The following PALLD variants were observed in gnomAD, a reference collection of about 807,000 sequenced individuals.
PALLD encodes palladin, cytoskeletal associated protein.
Under a neutral mutation model 123.5 loss-of-function variants are expected in PALLD, and 61 were observed. The ratio of observed to expected loss-of-function variants is 0.49; its 90% confidence interval spans 0.40 to 0.61. PALLD has a LOEUF of 0.61. Among genes scored for constraint, PALLD ranks in the 20% least tolerant of loss-of-function variants. PALLD has a pLI of 0.00. For synonymous variants in PALLD, 465 were observed against 496.4 expected, an observed-to-expected ratio of 0.94 and a Z score of 0.84; for missense variants, 1,273 against 1,377.0, an observed-to-expected ratio of 0.92 and a Z score of 1.20.
intron 2 of PALLD, among the ~76,000 whole-genome samples, chr4:168,558,891 T>A (rs966207642): frequency 1.1e-4 from 17 of 152,240 alleles, no homozygotes; most frequent in Admixed American, 6.5e-4. Context: ...CCTAGGTGTG[T>A]CTTTTTTCTC....
intron 2 of PALLD, among the ~76,000 whole-genome samples, chr4:168,657,165 A>C (rs1341394396): frequency 2.6e-5 from 4 of 152,232 alleles, no homozygotes; most frequent in Non-Finnish European, 5.9e-5. Context: ...CACAGAACAC[A>C]TGTTCCATGG....
At chr4:168,561,369 C>T (rs192761501) in intron 2 of PALLD, among the ~76,000 whole-genome samples, 12 of 152,128 alleles carry the variant, frequency 7.9e-5, no homozygotes, top group African/African-American at 2.7e-4. Context: ...TTAAACGATC[C>T]TCTTACCTCA....
intron 10 of PALLD, among the ~76,000 whole-genome samples, chr4:168,801,647 C>T (rs1361916018): frequency 1.3e-5 from 2 of 152,256 alleles, no homozygotes; most frequent in East Asian, 1.9e-4. Flanking sequence ...ACAAAGAGAA[C>T]GACCTGCCCC....
At chr4:168,815,570 C>T (rs1237558902) in intron 10 of PALLD, among the ~76,000 whole-genome samples, 1 of 151,664 alleles carries the variant, frequency 6.6e-6, no homozygotes, top group Non-Finnish European at 1.5e-5. Flanking sequence ...CCATGGTGAA[C>T]ACAAATATGC....
At chr4:168,810,709 G>A (rs1340431492) in intron 10 of PALLD, among the ~76,000 whole-genome samples, 1 of 151,838 alleles carries the variant, frequency 6.6e-6, no homozygotes, top group African/African-American at 2.4e-5. Context: ...TCGGGAGGCT[G>A]AGGCAGGAGA....
chr4:168,641,100 C>T (rs913812196), intron 2 of PALLD, among the ~76,000 whole-genome samples: 2 of 151,246 alleles, frequency 1.3e-5, no homozygotes, highest in African/African-American at 4.9e-5. Flanking sequence ...CCCAGCTACT[C>T]GAGAGGCTGA....
chr4:168,506,952 A>C (rs1308575210), intron 1 of PALLD, among the ~76,000 whole-genome samples: 1 of 152,050 alleles, frequency 6.6e-6, no homozygotes, highest in Non-Finnish European at 1.5e-5. Context: ...TGATTATTCG[A>C]AGGATTCTAT....
In PALLD at chr4:168,694,657, T is replaced by G. The variant is rs141110294; in HGVS notation, c.1501+3365T>G. Among the ~76,000 whole-genome samples the G allele has an allele frequency of 1.4e-3, 217 of 152,348 alleles. 3 individuals carry two copies. In the East Asian group the frequency reaches 0.025, roughly 18 times the overall value. The stretch of plus-strand genomic sequence containing the variant: ...ATATAGCCCCATTAGGAATTAGATA[T>G]TTAGATAAAGAAGGAAATAGCAGGT... On this transcript the variant is annotated intron_variant, in intron 8 of 21. Transcript: ENST00000505667.
chr4:168,570,168 A>G (rs534191128), intron 2 of PALLD, among the ~76,000 whole-genome samples: 2 of 152,314 alleles, frequency 1.3e-5, no homozygotes, highest in Non-Finnish European at 2.9e-5. Flanking sequence ...TTTTACTGCA[A>G]TATGTTGCGG....
intron 8 of PALLD, among the ~76,000 whole-genome samples, chr4:168,701,304 G>A (rs111905924): frequency 2.0e-5 from 3 of 152,370 alleles, no homozygotes; most frequent in African/African-American, 7.2e-5. Flanking sequence ...GCAATGATGT[G>A]CGAGGCACAG....
intron 8 of PALLD, among the ~76,000 whole-genome samples, chr4:168,696,468 A>C (rs1332112689): frequency 1.3e-5 from 2 of 152,096 alleles, no homozygotes; most frequent in South Asian, 4.1e-4. Context: ...TCAGAGCTTA[A>C]TAAACTCCCA....
chr4:168,589,523 G>A (rs13114516), intron 2 of PALLD, among the ~76,000 whole-genome samples: 22,272 of 143,608 alleles, frequency 0.16, 1,949 homozygotes, highest in East Asian at 0.27. Flanking sequence ...CCAGTCCACT[G>A]TACCCACTCC....
chr4:168,622,559 G>A (rs901321278), intron 2 of PALLD, among the ~76,000 whole-genome samples: 11 of 152,160 alleles, frequency 7.2e-5, no homozygotes, highest in Non-Finnish European at 1.5e-4. Flanking sequence ...ATGTGGAAAC[G>A]CGTATGTTTT....
At chr4:168,552,820 C>A (rs972189659) in intron 2 of PALLD, among the ~76,000 whole-genome samples, 5 of 152,018 alleles carry the variant, frequency 3.3e-5, no homozygotes, top group African/African-American at 1.2e-4. Context: ...AGACTACAGG[C>A]GCGTGCCACC....
chr4:168,671,848 A>G (rs79182788), intron 3 of PALLD, among the ~76,000 whole-genome samples: 17 of 152,346 alleles, frequency 1.1e-4, no homozygotes, highest in East Asian at 3.9e-4. Context: ...CAGCCTATCT[A>G]TCAGAGGGTA....
At chr4:168,569,214 A>G (rs764809078) in intron 2 of PALLD, among the ~76,000 whole-genome samples, 4 of 152,266 alleles carry the variant, frequency 2.6e-5, no homozygotes, top group Non-Finnish European at 4.4e-5. Flanking sequence ...TCATTAGTGA[A>G]GTGAACTGGC....
chr4:168,759,179 CAAAAAAAAAAAA>C (rs1175955888), intron 10 of PALLD, among the ~76,000 whole-genome samples: 7 of 9,046 alleles, frequency 7.7e-4, no homozygotes, highest in African/African-American at 8.4e-4. Context: ...GACTCCATCT[CAAAAAAAAAAAA>C]AAAAAAAAAA....
rs1409079828 is a variant in PALLD at position 168,610,866 on chromosome 4, T to C, written c.909-57324T>C. Among the ~76,000 whole-genome samples the C allele has an allele frequency of 3.9e-5, 6 of 152,314 alleles. No individual in the cohort carries two copies. In the South Asian group the frequency reaches 1.2e-3, roughly 32 times the overall value. On this transcript the variant is annotated intron_variant, in intron 2 of 21. Transcript: ENST00000505667. ...CTGTCAGATTCCCTATCTGTAGAGATAGGGAGTTCTTTTCTCCATGGGTAC... is the reference window on the plus strand; with the variant it reads ...CTGTCAGATTCCCTATCTGTAGAGACAGGGAGTTCTTTTCTCCATGGGTAC...
intron 10 of PALLD, among the ~76,000 whole-genome samples, chr4:168,882,859 A>G (rs1433742988): frequency 6.6e-6 from 1 of 152,196 alleles, no homozygotes; most frequent in African/African-American, 2.4e-5. Context: ...AAGTAACCCG[A>G]AGCCAGTGGA....
Sources: allele counts gnomAD v4.1 joint callset (sites outside exome capture counted in the v4.1 genomes callset), GRCh38; gene constraint gnomAD v4.1.1; transcripts MANE v1.5; gene names NCBI Gene and HGNC (gene_info 2026-07-23, HGNC 2026-07-21).